The following SLC45A4 variants were observed in gnomAD, a reference collection of about 807,000 sequenced individuals.
SLC45A4 encodes the protein solute carrier family 45 member 4, also known as polyamine-transporter SLC45A4.
Under a neutral mutation model 63.7 loss-of-function variants are expected in SLC45A4, and 32 were observed. The ratio of observed to expected loss-of-function variants is 0.50; its 90% confidence interval spans 0.38 to 0.67. The LOEUF is 0.67. Ranked by LOEUF, SLC45A4 falls within the 30% of genes least tolerant of loss-of-function variation. The pLI is 0.00. For synonymous variants in SLC45A4, 535 were observed against 510.0 expected (o/e 1.05, Z -0.66); for missense variants, 1,027 against 1,157.7 (o/e 0.89, Z 1.64).
chr8:141,259,829 T>C (rs1184981359), intron 1 of SLC45A4, among the ~76,000 whole-genome samples: 1 of 152,200 alleles, frequency 6.6e-6, no homozygotes, highest in Non-Finnish European at 1.5e-5. Context: ...ATGCACCGTT[T>C]CCAGCCACAC....
chr8:141,249,696 C>G (rs1169665042), intron 2 of SLC45A4, among the ~76,000 whole-genome samples: 1 of 152,168 alleles, frequency 6.6e-6, no homozygotes, highest in Non-Finnish European at 1.5e-5. Context: ...ATTTCCAAAT[C>G]CAATCATAAG....
intron 1 of SLC45A4, among the ~76,000 whole-genome samples, chr8:141,306,678 A>T (rs969697861): frequency 7.2e-5 from 11 of 152,282 alleles, no homozygotes; most frequent in African/African-American, 2.7e-4. Flanking sequence ...ACAAAATAAC[A>T]GAAGGATAAG....
At chr8:141,262,059 G>A (rs1357630870) in intron 1 of SLC45A4, among the ~76,000 whole-genome samples, 2 of 152,144 alleles carry the variant, frequency 1.3e-5, no homozygotes, top group African/African-American at 4.8e-5. Context: ...CAGAAACAAT[G>A]CCACATATCT....
Position 141,218,872 on chromosome 8 carries a change from C to T in SLC45A4, c.768G>A (p.Glu256=), listed in dbSNP as rs1249081404. The T allele has an allele frequency of 2.5e-6, 4 of 1,613,468 alleles. No individual in the cohort carries two copies. In the African/African-American group the frequency reaches 4.0e-5, roughly 16 times the overall value. Residue 256 remains glutamate, a synonymous_variant, in exon 5 of 9, where the codon GAG becomes GAA. Coordinates refer to ENST00000517878, the MANE Select transcript of SLC45A4 (RefSeq NM_001286646.2). ...VALHLFSIDE[E]QYSPQQERSA... is the part of the protein sequence containing the mutation. ...TGCGCTCCTGCTGCGGGCTGTACTGCTCCTCGTCGATGCTGAACAGGTGCA... is the reference window on the plus strand; with the variant it reads ...TGCGCTCCTGCTGCGGGCTGTACTGTTCCTCGTCGATGCTGAACAGGTGCA...
chr8:141,305,660 G>A (rs1410595246), intron 1 of SLC45A4, among the ~76,000 whole-genome samples: 1 of 152,172 alleles, frequency 6.6e-6, no homozygotes, highest in Non-Finnish European at 1.5e-5. Context: ...AGGCCACAAG[G>A]CTGTTGGTCA....
chr8:141,254,149 T>G lies in SLC45A4; in HGVS notation c.81A>C (p.Lys27Asn). 6.5e-7 allele frequency: 1 copy of G among 1,536,190 alleles called. No individual in the cohort carries two copies. The change falls in exon 2 of 9, where the codon AAA becomes AAC. Residue 27 changes from lysine to asparagine, a missense_variant. By Grantham distance (94) the Lys-to-Asn change is moderately conservative. Transcript: ENST00000517878. The surrounding 1 kb of genome is among the most constrained non-coding windows in gnomAD (Gnocchi z 4.5). ...AGTTCTCGGCCTCTGCGCCTCCGGC[T>G]TTCTGCGGGTCCGGCAGGGGCACGG... Reference protein sequence around the residue: ...ELSVPLPDPQKAGGAEAENCE... With the variant: ...ELSVPLPDPQNAGGAEAENCE...
chr8:141,284,610 G>T (rs920733138), intron 1 of SLC45A4, among the ~76,000 whole-genome samples: 1 of 152,212 alleles, frequency 6.6e-6, no homozygotes, highest in Non-Finnish European at 1.5e-5. Context: ...CTCCTACGGT[G>T]AACAGTGACC....
In SLC45A4 at chr8:141,209,435, G is replaced by A. The variant is rs1220762011; in HGVS notation, c.*2137C>T. On this transcript the variant is annotated 3_prime_UTR_variant, in exon 9 of 9. Transcript: ENST00000517878. ...CGTGACCTGGTCCCCGCTGTGGCCA[G>A]GCCGGGCCCACACGCACCGCCAGAG... The A allele has an allele frequency of 1.3e-5, 2 of 152,434 alleles. No homozygotes were observed. Among genetic ancestry groups the A allele is most frequent in the Admixed American group, 6.5e-5 (1 of 15,288 alleles). The allele number at this position is 152,434 out of a possible 1,614,324, so 9.4% of individuals were successfully genotyped here.
chr8:141,293,089 G>A (rs1434857821), intron 1 of SLC45A4, among the ~76,000 whole-genome samples: 5 of 152,198 alleles, frequency 3.3e-5, no homozygotes, highest in Admixed American at 6.5e-5. Flanking sequence ...GGCTGGATGC[G>A]TGGGCCTACG....
chr8:141,211,640 A>G lies in SLC45A4; in HGVS notation c.2359T>C (p.Leu787=). The change falls in exon 9 of 9, where the codon TTG becomes CTG. Residue 787 remains leucine, a synonymous_variant. Transcript: ENST00000517878. ...ISSHWLVPQL[L]ESIFLYDYFR... ...TAATCATAAAGAAAAATACTCTCCA[A>G]CAGCTGCGGCACCAGCCAATGTGAC... 2 of 1,611,026 alleles carry G rather than the reference A, an allele frequency of 1.2e-6. No individual in the cohort carries two copies. The highest frequency in any genetic ancestry group is 1.1e-5 in the South Asian group (1 of 90,746).
At chr8:141,225,637 G>T (rs1400759148) in intron 2 of SLC45A4, 1 of 152,624 alleles carries the variant, frequency 6.6e-6, no homozygotes, top group Non-Finnish European at 1.5e-5. Context: ...AAGACGCTGG[G>T]TCCGGAGCAG....
At chr8:141,282,545 C>T (rs779227368) in intron 1 of SLC45A4, among the ~76,000 whole-genome samples, 4 of 152,392 alleles carry the variant, frequency 2.6e-5, no homozygotes, top group Middle Eastern at 3.4e-3. Context: ...CCACTCAGGG[C>T]GCGCTGCGCT....
chr8:141,293,998 G>A (rs72683513), intron 1 of SLC45A4, among the ~76,000 whole-genome samples: 15,603 of 151,808 alleles, frequency 0.1, 975 homozygotes, highest in Middle Eastern at 0.16. Context: ...AGAAGAAAAA[G>A]TGAGAAAAAA....
At chr8:141,223,883 T>C (rs1318745308) in intron 2 of SLC45A4, among the ~76,000 whole-genome samples, 1 of 152,226 alleles carries the variant, frequency 6.6e-6, no homozygotes, top group Non-Finnish European at 1.5e-5. Flanking sequence ...CACAGAGGGC[T>C]CGAACACTAG....
chr8:141,232,186 G>A (rs1362649154), intron 2 of SLC45A4, among the ~76,000 whole-genome samples: 1 of 152,204 alleles, frequency 6.6e-6, no homozygotes, highest in African/African-American at 2.4e-5. Context: ...GGGGGCGGGG[G>A]AACCCCCCTC....
At position 141,278,799 on chromosome 8, in the gene SLC45A4, T is replaced by C. The variant is rs1829832351; in HGVS notation, c.-400-24170A>G. Among the ~76,000 whole-genome samples the C allele has an allele frequency of 6.6e-6, 1 of 152,248 alleles. No homozygotes were observed. Among genetic ancestry groups the C allele is most frequent in the Non-Finnish European group, 1.5e-5 (1 of 68,030 alleles). The stretch of plus-strand genomic sequence containing the variant: ...CAAGGGAGTGGGCAGCACTGCAGGA[T>C]GCAGCAAGGGCTGCTCAGACCTGCT... On this transcript the variant is annotated intron_variant, in intron 1 of 8. Transcript: ENST00000517878. This position sits in a 1 kb window ranked among gnomAD's most constrained non-coding sequence, Gnocchi z 4.1.
chr8:141,297,675 C>G (rs2154615387), intron 1 of SLC45A4, among the ~76,000 whole-genome samples: 1 of 152,362 alleles, frequency 6.6e-6, no homozygotes, highest in African/African-American at 2.4e-5. Context: ...GGCCAGTGGC[C>G]ATGCCACACA....
Position 141,227,105 on chromosome 8 carries a change from C to G in SLC45A4, c.242-5340G>C, listed in dbSNP as rs1827051429. ...TTCCCAGCCCGGCTCCAAACACACA[C>G]AACGCTGGGCCCAGTAAATAAGTTT... On this transcript the variant is annotated intron_variant, in intron 2 of 8. Coordinates refer to ENST00000517878, the MANE Select transcript of SLC45A4 (RefSeq NM_001286646.2). This position sits in a 1 kb window ranked among gnomAD's most constrained non-coding sequence, Gnocchi z 4.4. Among the ~76,000 whole-genome samples the G allele has an allele frequency of 6.6e-6, 1 of 152,202 alleles. No homozygotes were observed. Among genetic ancestry groups the G allele is most frequent in the Admixed American group, 6.5e-5 (1 of 15,280 alleles).
intron 1 of SLC45A4, among the ~76,000 whole-genome samples, chr8:141,257,377 GAGA>G (rs1828843524): frequency 1.3e-5 from 2 of 152,312 alleles, no homozygotes; most frequent in Non-Finnish European, 2.9e-5. Context: ...TCATTTTTGT[GAGA>G]AGAAGTAACA....
Sources: allele counts gnomAD v4.1 joint callset (sites outside exome capture counted in the v4.1 genomes callset), GRCh38; gene constraint gnomAD v4.1.1; non-coding constraint Gnocchi (gnomAD v3.1); transcripts MANE v1.5; gene names NCBI Gene and HGNC (gene_info 2026-07-23, HGNC 2026-07-21).